Variants in RIMS2 observed in about 807,000 individuals in gnomAD.
The protein encoded by RIMS2 is regulating synaptic membrane exocytosis protein 2.
RIMS2 carries 59 observed loss-of-function variants against 174.4 expected under a neutral mutation model. The observed-to-expected ratio is 0.34, with a 90% CI of 0.27 to 0.42. The LOEUF (loss-of-function observed/expected upper bound fraction) is 0.42, where lower values mean the gene tolerates loss of function less well. Among genes scored for constraint, RIMS2 ranks in the 10% least tolerant of loss-of-function variants. RIMS2 has a pLI of 1.00. For synonymous variants in RIMS2, 606 were observed against 572.5 expected, an observed-to-expected ratio of 1.06 and a Z score of -0.84; for missense variants, 1,620 against 1,666.3, an observed-to-expected ratio of 0.97 and a Z score of 0.48.
At chr8:103,911,184 A>T (rs1465486910) in intron 5 of RIMS2, among the ~76,000 whole-genome samples, 1 of 152,132 alleles carries the variant, frequency 6.6e-6, no homozygotes, top group Non-Finnish European at 1.5e-5. Context: ...TTGCATGAAG[A>T]TATGCCTGTT....
Position 104,109,377 on chromosome 8 carries a change from A to C in RIMS2, c.3334+94762A>C, listed in dbSNP as rs181362766. Among the ~76,000 whole-genome samples the C allele has an allele frequency of 1.8e-3, 270 of 152,082 alleles. 2 individuals are homozygous for C. The highest frequency in any genetic ancestry group is 6.2e-3 in the African/African-American group (258 of 41,422). ...GAGAGGTAATATAGCATAATGATTA[A>C]AAGTTAGCTCTGGATTCAGACAGAA... On this transcript the variant is annotated intron_variant, in intron 19 of 23. Transcript: ENST00000504942.
chr8:103,956,891 A>T lies in RIMS2; in HGVS notation c.2702-4174A>T, dbSNP rs562562710. Among the ~76,000 whole-genome samples, 41 of 152,358 alleles carry T rather than the reference A, an allele frequency of 2.7e-4. No individual in the cohort carries two copies. The South Asian group carries it at 8.5e-3, about 32-fold the overall frequency. On this transcript the variant is annotated intron_variant, in intron 14 of 23. Transcript: ENST00000504942. ...AATATCCAGAATCTACAAAGAACTT[A>T]AACAGATTTACAAGAAAAAAACAAA...
At chr8:103,968,282 C>T (rs1210587962) in intron 15 of RIMS2, among the ~76,000 whole-genome samples, 2 of 151,982 alleles carry the variant, frequency 1.3e-5, no homozygotes, top group African/African-American at 2.4e-5. Flanking sequence ...TTTTTTTAAT[C>T]GAATCTGACA....
intron 17 of RIMS2, among the ~76,000 whole-genome samples, chr8:104,003,874 A>C (rs2095478882): frequency 6.6e-6 from 1 of 152,240 alleles, no homozygotes; most frequent in African/African-American, 2.4e-5. Flanking sequence ...TTTGAAGAGA[A>C]AAAAGCAAAA....
rs535118944 is a variant in RIMS2 at position 103,676,635 on chromosome 8, C to T, written c.177-20451C>T. 4.0e-5 allele frequency among the ~76,000 whole-genome samples: 6 copies of T among 150,580 alleles called. 1 individual carries two copies. Among genetic ancestry groups the T allele is most frequent in the African/African-American group, 1.5e-4 (6 of 40,962 alleles). ...AATACTGAAATATTTTTAGAAGCTT[C>T]TGCATATCAATAGGAATATCTGGGT... On this transcript the variant is annotated intron_variant, in intron 1 of 23. Transcript: ENST00000504942.
At chr8:103,783,729 T>C (rs1317552923) in intron 3 of RIMS2, among the ~76,000 whole-genome samples, 2 of 151,706 alleles carry the variant, frequency 1.3e-5, no homozygotes, top group East Asian at 1.9e-4. Context: ...AATAAACATA[T>C]GTGTGCATGT....
intron 19 of RIMS2, among the ~76,000 whole-genome samples, chr8:104,124,945 G>A (rs2098416249): frequency 6.7e-6 from 1 of 148,454 alleles, no homozygotes; most frequent in Admixed American, 6.9e-5. Context: ...CATTAAATAT[G>A]AAAAACAAGA....
intron 3 of RIMS2, among the ~76,000 whole-genome samples, chr8:103,838,707 T>C (rs1379373141): frequency 6.6e-6 from 1 of 152,206 alleles, no homozygotes. Context: ...TCCATTCTAC[T>C]GTTAATCATG....
intron 1 of RIMS2, among the ~76,000 whole-genome samples, chr8:103,672,924 A>G (rs1479678119): frequency 2.0e-5 from 3 of 152,224 alleles, no homozygotes. Flanking sequence ...CTGTAAAATC[A>G]AACAAGTTAT....
chr8:104,130,606 A>G (rs565334497), intron 19 of RIMS2, among the ~76,000 whole-genome samples: 6 of 152,218 alleles, frequency 3.9e-5, no homozygotes, highest in African/African-American at 1.4e-4. Context: ...TTAACCCACC[A>G]ATTTGCCAAC....
chr8:104,183,038 A>G (rs1301488139), intron 19 of RIMS2, among the ~76,000 whole-genome samples: 1 of 151,760 alleles, frequency 6.6e-6, no homozygotes, highest in Non-Finnish European at 1.5e-5. Flanking sequence ...ATGAATCCAT[A>G]AGGATATAGA....
chr8:103,593,186 C>T (rs2094338071), intron 1 of RIMS2, among the ~76,000 whole-genome samples: 1 of 151,390 alleles, frequency 6.6e-6, no homozygotes, highest in African/African-American at 2.4e-5. Flanking sequence ...TGTTCACTAC[C>T]ATGAATGTGA....
In RIMS2 at chr8:103,708,383, C is replaced by CT. The variant is rs1401808440; in HGVS notation, c.387+11088dup. On this transcript the variant is annotated intron_variant, in intron 2 of 23. Transcript: ENST00000504942. ...ATATATTCTTTCCTCTGGCTGTGCT[C>CT]TCTAGGGTTGGGTGAGGAGTGGTGT... Among the ~76,000 whole-genome samples, 3 of 152,278 alleles carry CT rather than the reference C, an allele frequency of 2.0e-5. No homozygotes were observed. In the East Asian group the frequency reaches 5.8e-4, roughly 29 times the overall value.
chr8:103,845,804 G>A (rs2098964839), intron 3 of RIMS2, among the ~76,000 whole-genome samples: 1 of 152,082 alleles, frequency 6.6e-6, no homozygotes. Flanking sequence ...AGTAGAATAG[G>A]AAGATCAAAG....
chr8:103,530,405 G>C (rs940605221), intron 1 of RIMS2, among the ~76,000 whole-genome samples: 2 of 152,072 alleles, frequency 1.3e-5, no homozygotes, highest in African/African-American at 4.8e-5. Flanking sequence ...ATTTGACCAC[G>C]AATCTGTTAA....
intron 19 of RIMS2, among the ~76,000 whole-genome samples, chr8:104,066,803 T>C (rs1038737229): frequency 3.9e-5 from 6 of 152,176 alleles, no homozygotes; most frequent in Admixed American, 2.0e-4. Flanking sequence ...TGTCTCACTT[T>C]ATTGAATAGT....
chr8:103,755,847 A>G (rs1312602234), intron 2 of RIMS2, among the ~76,000 whole-genome samples: 1 of 152,122 alleles, frequency 6.6e-6, no homozygotes, highest in Non-Finnish European at 1.5e-5. Flanking sequence ...CAAGGTTCTT[A>G]TCTTCCTTGC....
At chr8:103,947,610 G>C (rs999696048) in intron 14 of RIMS2, among the ~76,000 whole-genome samples, 3 of 152,130 alleles carry the variant, frequency 2.0e-5, no homozygotes, top group Admixed American at 1.3e-4. Flanking sequence ...TGGTATAAAA[G>C]ATTAAAAAAT....
intron 3 of RIMS2, among the ~76,000 whole-genome samples, chr8:103,866,009 A>T (rs1405759204): frequency 6.6e-6 from 1 of 152,172 alleles, no homozygotes; most frequent in Non-Finnish European, 1.5e-5. Context: ...GACTCAAATA[A>T]CAAATTTCAT....
Sources: allele counts gnomAD v4.1 joint callset (sites outside exome capture counted in the v4.1 genomes callset), GRCh38; gene constraint gnomAD v4.1.1; transcripts MANE v1.5; gene names NCBI Gene and HGNC (gene_info 2026-07-23, HGNC 2026-07-21).